EDEM1: variants seen among roughly 807,000 people sequenced by gnomAD.
The protein encoded by EDEM1 is ER degradation-enhancing alpha-mannosidase-like protein 1.
EDEM1 carries 67 observed loss-of-function variants against 74.4 expected under a neutral mutation model. That is an observed-to-expected ratio of 0.90 (90% CI 0.74 to 1.10). EDEM1 has a LOEUF of 1.10. Ranked by LOEUF, EDEM1 falls within the 50% of genes least tolerant of loss-of-function variation. EDEM1 has a pLI of 0.00. For synonymous variants in EDEM1, 382 were observed against 335.9 expected (o/e 1.14, Z -1.50); for missense variants, 926 against 851.6 (o/e 1.09, Z -1.09).
intron 11 of EDEM1, among the ~76,000 whole-genome samples, chr3:5,215,320 T>C (rs2055220451): frequency 6.6e-6 from 1 of 150,668 alleles, no homozygotes; most frequent in Non-Finnish European, 1.5e-5. Context: ...ATTAAAGAAA[T>C]AGTCTTAAGC....
rs1415573676 is a variant in EDEM1, at chr3:5,195,156, GTCTTC to G, written c.510-48_510-44del. ...TTTCTGATGGGTGTTTACTTTTATT[GTCTTC>G]TCTTTTGAAATAAAGTCTTTTTGTT... is the stretch of plus-strand genomic sequence containing the variant. On this transcript the variant is annotated intron_variant, in intron 1 of 11. Transcript: ENST00000256497. The G allele has an allele frequency of 1.4e-5, 16 of 1,103,904 alleles. No homozygotes were observed. In the Admixed American group the frequency reaches 3.3e-4, roughly 23 times the overall value. 68.4% of individuals were successfully genotyped at this position (1,103,904 alleles called of 1,614,324 possible). A position where few individuals can be genotyped will look rare whatever the true frequency, so the allele number is the denominator to read the frequency against.
At chr3:5,202,864 G>A in intron 4 of EDEM1, 102 bp from the exon 5 acceptor site, 1 of 1,008,688 alleles carries the variant, frequency 9.9e-7, no homozygotes, top group Non-Finnish European at 1.5e-6. Flanking sequence ...TCTCACCGTG[G>A]TAAGCTTGGT....
intron 10 of EDEM1, chr3:5,211,448 A>C (rs1305750202): frequency 6.4e-6 from 3 of 467,406 alleles, no homozygotes; most frequent in African/African-American, 5.9e-5. Flanking sequence ...TATGATTACA[A>C]ACTGTGGGAA....
At chr3:5,189,349 G>C (rs1428770731) in intron 1 of EDEM1, 2 of 152,154 alleles carry the variant, frequency 1.3e-5, no homozygotes, top group Non-Finnish European at 2.9e-5. Flanking sequence ...TAGACTAAAC[G>C]GAGTTGGGTT....
chr3:5,198,439 G>A (rs571301382), intron 2 of EDEM1, among the ~76,000 whole-genome samples: 1 of 152,276 alleles, frequency 6.6e-6, no homozygotes, highest in Non-Finnish European at 1.5e-5. Flanking sequence ...CTGGCTTAGT[G>A]AATCTGCAGT....
At chr3:5,212,346 G>T (rs747896611) in intron 10 of EDEM1, among the ~76,000 whole-genome samples, 36 of 152,232 alleles carry the variant, frequency 2.4e-4, no homozygotes, top group Non-Finnish European at 4.1e-4. Context: ...ATTCCTGTGT[G>T]TGCAGTGGTT....
chr3:5,215,057 A>G (rs2055215551), intron 11 of EDEM1, among the ~76,000 whole-genome samples: 2 of 152,210 alleles, frequency 1.3e-5, no homozygotes, highest in African/African-American at 4.8e-5. Flanking sequence ...AGCACCTGCA[A>G]AAGCACAGAG....
At chr3:5,190,998 C>G (rs1000067768) in intron 1 of EDEM1, among the ~76,000 whole-genome samples, 2 of 152,012 alleles carry the variant, frequency 1.3e-5, no homozygotes, top group African/African-American at 4.8e-5. Context: ...AATTGGGTAT[C>G]CAACCCCTCA....
intron 1 of EDEM1, 63 bp downstream of exon 1, chr3:5,188,377 G>A (rs1339895233): frequency 1.5e-6 from 2 of 1,349,798 alleles, no homozygotes; most frequent in South Asian, 1.9e-5. Context: ...TCCGCGCCGG[G>A]GTGCAGCCCT....
rs1309450283 is a variant in EDEM1, at chr3:5,218,095, A to C, written c.*2177A>C. On this transcript the variant is annotated 3_prime_UTR_variant, in exon 12 of 12. Coordinates refer to ENST00000256497, the MANE Select transcript of EDEM1 (RefSeq NM_014674.3). ...TAGGGAATAGGGATCTCATGCTTGCAAACTACACAATGCTGCAGGTGCTTC... is the reference window on the plus strand; with the variant it reads ...TAGGGAATAGGGATCTCATGCTTGCCAACTACACAATGCTGCAGGTGCTTC... The C allele has an allele frequency of 6.6e-6, 1 of 152,230 alleles. No homozygotes were observed. Among genetic ancestry groups the C allele is most frequent in the Non-Finnish European group, 1.5e-5 (1 of 68,070 alleles). The allele number at this position is 152,230 out of a possible 1,614,324, so 9.4% of individuals were successfully genotyped here.
chr3:5,187,968 C>G lies in EDEM1; in HGVS notation c.163C>G (p.Pro55Ala), dbSNP rs746032393. The change falls in exon 1 of 12, where the codon CCC becomes GCC. Residue 55 changes from proline (P) to alanine (A), a missense_variant. Pro to Ala is a conservative substitution (Grantham distance 27, BLOSUM62 -1). Coordinates refer to ENST00000256497, the MANE Select transcript of EDEM1 (RefSeq NM_014674.3). ...GAGGAGCCCCGACGGCCCCGCGTCG[C>G]CCACCTCGGGGCCCGTGGGCCGGCC... is the stretch of plus-strand genomic sequence containing the variant. ...RLRSPDGPAS[P>A]TSGPVGRPGG... The G allele has an allele frequency of 2.3e-4, 358 of 1,555,434 alleles. No homozygotes were observed. The highest frequency in any genetic ancestry group is 3.0e-4 in the Non-Finnish European group (346 of 1,154,568).
At chr3:5,207,317 A>G (rs2055110744) in intron 7 of EDEM1, 44 bp downstream of exon 7, 1 of 1,608,042 alleles carries the variant, frequency 6.2e-7, no homozygotes, top group Non-Finnish European at 8.5e-7. Context: ...ATCACCAGAA[A>G]GGGCTTCTCC....
intron 4 of EDEM1, among the ~76,000 whole-genome samples, 174 bp downstream of exon 4, chr3:5,202,098 G>A (rs927592484): frequency 6.6e-6 from 1 of 152,224 alleles, no homozygotes; most frequent in African/African-American, 2.4e-5. Context: ...AATTCATTCA[G>A]CATTTACTGA....
intron 11 of EDEM1, 75 bp from the exon 12 acceptor site, chr3:5,215,754 A>G (rs974128175): frequency 6.4e-5 from 88 of 1,372,054 alleles, no homozygotes; most frequent in Middle Eastern, 1.8e-4. Flanking sequence ...GAAACCCTGG[A>G]TTAAGTCATC....
intron 10 of EDEM1, 119 bp downstream of exon 10, chr3:5,211,335 C>A: frequency 1.0e-6 from 1 of 972,570 alleles, no homozygotes; most frequent in Non-Finnish European, 1.6e-6. Context: ...ATTGTGCATT[C>A]CCAGGATGCA....
intron 4 of EDEM1, 71 bp downstream of exon 4, chr3:5,201,995 T>C (rs2055040583): frequency 1.3e-6 from 2 of 1,522,336 alleles, no homozygotes; most frequent in South Asian, 1.3e-5. Flanking sequence ...CTTTGCTTAC[T>C]AATTTATTTG....
rs2055078615 is a variant in EDEM1, at chr3:5,205,072, G to A, written c.1048G>A (p.Val350Ile). The change falls in exon 6 of 12, where the codon GTC (valine) becomes ATC (isoleucine). Residue 350 changes from valine (V) to isoleucine (I), a missense_variant. Transcript: ENST00000256497. ...RSNDTGLLGN[V>I]VNIQTGHWVG... ...TGCCTTGTTTATTTTTGCAGGCAATGTCGTGAACATTCAGACGGGCCACTG... is the reference window on the plus strand; with the variant it reads ...TGCCTTGTTTATTTTTGCAGGCAATATCGTGAACATTCAGACGGGCCACTG... 2 of 1,613,884 alleles carry A rather than the reference G, an allele frequency of 1.2e-6. No homozygotes were observed. The highest frequency in any genetic ancestry group is 1.3e-5 in the African/African-American group (1 of 75,028).
rs146439988 is a variant in EDEM1 at position 5,203,097 on chromosome 3, A to G, written c.990A>G (p.Arg330=). The G allele has an allele frequency of 1.8e-4, 295 of 1,610,534 alleles. No homozygotes were observed. The African/African-American group carries it at 3.6e-3, about 20-fold the overall frequency. The stretch of plus-strand genomic sequence containing the variant: ...ACTCCACATTTGAGTGGGTGGCCAG[A>G]CGAGCAGTGAAAGCCCTTTGGAACC... The part of the protein sequence containing the change: ...LGDSTFEWVA[R]RAVKALWNLR... Residue 330 remains arginine, a synonymous_variant, in exon 5 of 12, where the codon AGA becomes AGG. Transcript: ENST00000256497.
At chr3:5,203,442 A>G (rs1248273214) in intron 5 of EDEM1, among the ~76,000 whole-genome samples, 3 of 152,218 alleles carry the variant, frequency 2.0e-5, no homozygotes, top group Non-Finnish European at 4.4e-5. Context: ...CCTCTGAGGC[A>G]GATTTTATTG....
Sources: gnomAD v4.1 joint callset for allele counts (sites outside exome capture counted in the v4.1 genomes callset) on GRCh38, gnomAD v4.1.1 for gene constraint, MANE v1.5 for transcripts, NCBI Gene and HGNC (gene_info 2026-07-23, HGNC 2026-07-21) for gene names.